SSBP2: variants seen among roughly 807,000 people sequenced by gnomAD.
SSBP2 encodes the protein single-stranded DNA-binding protein 2.
A neutral mutation model predicts 61.8 loss-of-function variants in SSBP2; 17 were observed. That is an observed-to-expected ratio of 0.28 (90% CI 0.19 to 0.41). The LOEUF is 0.41. Among genes scored for constraint, SSBP2 ranks in the 10% least tolerant of loss-of-function variants. The pLI is 1.00. For missense variants in SSBP2, 310 were observed against 458.7 expected (o/e 0.68, Z 2.96); for synonymous variants, 139 against 141.3 (o/e 0.98, Z 0.12).
chr5:81,751,235 G>A, upstream of SSBP2: 2 of 607,348 alleles, frequency 3.3e-6, no homozygotes, highest in Non-Finnish European at 5.8e-6. Context: ...CTTCCGAAGC[G>A]CGCGGTGGCG....
At chr5:81,469,808 CT>C (rs1463024015) in intron 8 of SSBP2, among the ~76,000 whole-genome samples, 1 of 151,958 alleles carries the variant, frequency 6.6e-6, no homozygotes, top group African/African-American at 2.4e-5. Context: ...TTTCCAAGTG[CT>C]AGCAACAAAG....
chr5:81,522,101 A>G (rs1769536349), intron 4 of SSBP2, among the ~76,000 whole-genome samples: 1 of 152,094 alleles, frequency 6.6e-6, no homozygotes, highest in African/African-American at 2.4e-5. Context: ...GTGTTCTGTG[A>G]TATATTTACA....
chr5:81,429,552 G>A (rs1208139922), intron 15 of SSBP2, among the ~76,000 whole-genome samples: 1 of 151,956 alleles, frequency 6.6e-6, no homozygotes, highest in African/African-American at 2.4e-5. Flanking sequence ...ATTCTTTGAA[G>A]GTCCAATTCA....
At chr5:81,704,004 C>T (rs1238978255) in intron 1 of SSBP2, among the ~76,000 whole-genome samples, 1 of 152,082 alleles carries the variant, frequency 6.6e-6, no homozygotes, top group African/African-American at 2.4e-5. Flanking sequence ...TGGACATGAC[C>T]ACAGAACACC....
At chr5:81,545,233 T>G (rs1771640007) in intron 4 of SSBP2, among the ~76,000 whole-genome samples, 1 of 152,234 alleles carries the variant, frequency 6.6e-6, no homozygotes, top group Non-Finnish European at 1.5e-5. Context: ...ACTTAAAAAT[T>G]GTTTATTGCT....
chr5:81,558,428 C>T (rs929328398), intron 4 of SSBP2, among the ~76,000 whole-genome samples: 2 of 152,144 alleles, frequency 1.3e-5, no homozygotes, highest in African/African-American at 4.8e-5. Context: ...TATCCTCACA[C>T]GACAGAGAAC....
intron 1 of SSBP2, among the ~76,000 whole-genome samples, chr5:81,727,263 A>T (rs1295664658): frequency 1.3e-5 from 2 of 152,156 alleles, no homozygotes; most frequent in African/African-American, 4.8e-5. Flanking sequence ...CATATGAAGA[A>T]TATGGGCCAG....
At chr5:81,539,901 C>A (rs377057253) in intron 4 of SSBP2, among the ~76,000 whole-genome samples, 4 of 152,136 alleles carry the variant, frequency 2.6e-5, no homozygotes, top group African/African-American at 4.8e-5. Context: ...CTTAGCCCCC[C>A]ACCCCGACAG....
chr5:81,711,749 G>T (rs1454562801), intron 1 of SSBP2, among the ~76,000 whole-genome samples: 11 of 151,920 alleles, frequency 7.2e-5, no homozygotes, highest in Non-Finnish European at 8.8e-5. Context: ...GTATATGGAG[G>T]TAGATTAGCA....
chr5:81,750,371 C>A (rs1041785830), intron 1 of SSBP2, among the ~76,000 whole-genome samples: 2 of 146,070 alleles, frequency 1.4e-5, no homozygotes, highest in Non-Finnish European at 3.0e-5. Flanking sequence ...CGCGCGTCTC[C>A]GCGCCCCGCG....
intron 5 of SSBP2, among the ~76,000 whole-genome samples, chr5:81,502,935 C>T (rs1767905185): frequency 6.6e-6 from 1 of 152,108 alleles, no homozygotes; most frequent in South Asian, 2.1e-4. Flanking sequence ...GGTCTAATAT[C>T]CACCAGCATC....
In SSBP2 at chr5:81,636,601, G is replaced by A. The variant is rs1748258386; in HGVS notation, c.153C>T (p.Asn51=). 6.2e-7 allele frequency: 1 copy of A among 1,607,412 alleles called. No individual in the cohort carries two copies. Among genetic ancestry groups the A allele is most frequent in the Non-Finnish European group, 8.5e-7 (1 of 1,176,216 alleles). The change falls in exon 3 of 17, where the codon AAC becomes AAT. Residue 51 remains asparagine (N), a synonymous_variant. Transcript: ENST00000320672. ...ATCCTGGTGGTTCCCCCAATGTGATGTTTTTTTCCCATCTTATCTAAAATG... is the reference window on the plus strand; with the variant it reads ...ATCCTGGTGGTTCCCCCAATGTGATATTTTTTTCCCATCTTATCTAAAATG...
At chr5:81,468,335 T>C (rs1025189336) in intron 8 of SSBP2, among the ~76,000 whole-genome samples, 1 of 151,982 alleles carries the variant, frequency 6.6e-6, no homozygotes, top group Non-Finnish European at 1.5e-5. Flanking sequence ...TACTGCACTG[T>C]CTTAATTGTT....
chr5:81,464,032 G>T (rs562316242), intron 9 of SSBP2, among the ~76,000 whole-genome samples: 2 of 152,100 alleles, frequency 1.3e-5, no homozygotes, highest in South Asian at 4.1e-4. Context: ...ACCTCCCAAA[G>T]TGCTGGGATT....
At chr5:81,675,264 C>T (rs979878816) in intron 1 of SSBP2, among the ~76,000 whole-genome samples, 5 of 152,106 alleles carry the variant, frequency 3.3e-5, no homozygotes, top group South Asian at 4.1e-4. Context: ...CATTGTTCCC[C>T]AGCTAAAAAA....
chr5:81,577,590 T>C (rs1026210578), intron 4 of SSBP2, among the ~76,000 whole-genome samples: 22 of 152,188 alleles, frequency 1.4e-4, no homozygotes, highest in Middle Eastern at 6.8e-3. Flanking sequence ...GTAGGATATA[T>C]AGTAAACTGC....
At chr5:81,475,945 G>A (rs768148992) in intron 6 of SSBP2, among the ~76,000 whole-genome samples, 10 of 152,032 alleles carry the variant, frequency 6.6e-5, no homozygotes, top group Non-Finnish European at 1.0e-4. Context: ...GTGTGTGTGT[G>A]CATGCATGTA....
chr5:81,691,745 C>T (rs1268925971), intron 1 of SSBP2, among the ~76,000 whole-genome samples: 1 of 152,176 alleles, frequency 6.6e-6, no homozygotes, highest in Non-Finnish European at 1.5e-5. Context: ...CAAAACCAGA[C>T]AAAGACACAT....
chr5:81,730,698 T>C (rs1306137716), intron 1 of SSBP2, among the ~76,000 whole-genome samples: 1 of 152,196 alleles, frequency 6.6e-6, no homozygotes. Context: ...TAATTTTCCA[T>C]TGACTAGATT....
Sources: allele counts gnomAD v4.1 joint callset (sites outside exome capture counted in the v4.1 genomes callset), GRCh38; gene constraint gnomAD v4.1.1; transcripts MANE v1.5; gene names NCBI Gene and HGNC (gene_info 2026-07-23, HGNC 2026-07-21).